The following SHISA9 variants were observed in gnomAD, a reference collection of about 807,000 sequenced individuals.
SHISA9 encodes shisa family member 9, also known as protein shisa-9.
SHISA9 carries 13 observed loss-of-function variants against 38.0 expected under a neutral mutation model. That is an observed-to-expected ratio of 0.34 (90% CI 0.22 to 0.54). The LOEUF (loss-of-function observed/expected upper bound fraction) is 0.54, where lower values mean the gene tolerates loss of function less well. SHISA9 is among the 20% of genes least tolerant of loss of function. SHISA9 has a pLI of 0.91. For missense variants in SHISA9, 538 were observed against 575.8 expected, an observed-to-expected ratio of 0.93 and a Z score of 0.67; for synonymous variants, 275 against 242.0, an observed-to-expected ratio of 1.14 and a Z score of -1.27.
chr16:13,033,093 TA>T (rs2073011251), intron 2 of SHISA9, among the ~76,000 whole-genome samples: 1 of 152,198 alleles, frequency 6.6e-6, no homozygotes, highest in Non-Finnish European at 1.5e-5. Flanking sequence ...TCAAGTCTAG[TA>T]GAAAAGATAG....
the SHISA9 span, among the ~76,000 whole-genome samples, chr16:13,291,876 C>T: frequency 6.6e-6 from 1 of 152,102 alleles, no homozygotes; most frequent in Non-Finnish European, 1.5e-5. Flanking sequence ...GTGTAGGAGC[C>T]TTTATGAAGA....
At chr16:13,476,910 A>G in the SHISA9 span, among the ~76,000 whole-genome samples, 28 of 151,132 alleles carry the variant, frequency 1.9e-4, no homozygotes, top group Admixed American at 1.6e-3. Flanking sequence ...CACCACACCC[A>G]GCTAATTTTT....
the SHISA9 span, among the ~76,000 whole-genome samples, chr16:13,330,543 A>T: frequency 1.3e-5 from 2 of 152,182 alleles, no homozygotes; most frequent in Non-Finnish European, 2.9e-5. Context: ...GGCATCTATC[A>T]TCCCACTTCT....
chr16:13,446,652 T>C, the SHISA9 span, among the ~76,000 whole-genome samples: 1 of 152,188 alleles, frequency 6.6e-6, no homozygotes, highest in Middle Eastern at 3.4e-3. Flanking sequence ...TGTATGTGTG[T>C]GTGTGTTTCT....
Position 13,098,805 on chromosome 16 carries a change from G to C in SHISA9, c.692-104589G>C, listed in dbSNP as rs144478446. Among the ~76,000 whole-genome samples the C allele has an allele frequency of 3.3e-5, 5 of 152,350 alleles. No individual in the cohort carries two copies. The East Asian group carries it at 9.7e-4, about 29-fold the overall frequency. ...GGCTGGGTGGTTCTGGACTCAGAGA[G>C]GCTCCCAGCTCTGTTGAATCTGGCT... On this transcript the variant is annotated intron_variant, in intron 2 of 4. Coordinates refer to ENST00000558583, the MANE Select transcript of SHISA9 (RefSeq NM_001145204.3).
the SHISA9 span, among the ~76,000 whole-genome samples, chr16:13,378,315 C>T: frequency 2.0e-5 from 3 of 152,124 alleles, no homozygotes; most frequent in African/African-American, 7.2e-5. Flanking sequence ...CTCTGTTTTA[C>T]TGTGTGTTGG....
At chr16:13,275,647 C>T in the SHISA9 span, among the ~76,000 whole-genome samples, 5 of 152,006 alleles carry the variant, frequency 3.3e-5, no homozygotes, top group African/African-American at 1.2e-4. Context: ...TCTGAAAGAG[C>T]TTACCGTTAG....
chr16:13,482,376 G>GT, the SHISA9 span, among the ~76,000 whole-genome samples: 2 of 152,236 alleles, frequency 1.3e-5, no homozygotes, highest in African/African-American at 4.8e-5. Context: ...GCTGCCTTCT[G>GT]TTATTACCCC....
chr16:13,096,033 T>TGGA (rs920925092), intron 2 of SHISA9, among the ~76,000 whole-genome samples: 24 of 152,218 alleles, frequency 1.6e-4, no homozygotes, highest in African/African-American at 5.8e-4. Flanking sequence ...GTGAAAGCCC[T>TGGA]GGAGTCAAGA....
At chr16:13,175,017 G>T (rs2050719404) in intron 2 of SHISA9, among the ~76,000 whole-genome samples, 1 of 152,190 alleles carries the variant, frequency 6.6e-6, no homozygotes, top group Non-Finnish European at 1.5e-5. Flanking sequence ...CTCAGCTTCA[G>T]TCCCAGAGCT....
intron 2 of SHISA9, among the ~76,000 whole-genome samples, chr16:12,939,038 T>G (rs2071573067): frequency 6.6e-6 from 1 of 151,748 alleles, no homozygotes; most frequent in Non-Finnish European, 1.5e-5. Flanking sequence ...CAGGAAGTAG[T>G]TTCATCTCTT....
intron 1 of SHISA9, chr16:12,908,462 C>G: frequency 6.4e-7 from 1 of 1,551,834 alleles, no homozygotes; most frequent in Non-Finnish European, 8.7e-7. Context: ...ATTTCATACC[C>G]TTCCCCCATG....
the SHISA9 span, among the ~76,000 whole-genome samples, chr16:13,527,971 A>G: frequency 6.6e-6 from 1 of 152,320 alleles, no homozygotes; most frequent in African/African-American, 2.4e-5. Flanking sequence ...CTCACTCAAT[A>G]GACTGTGTCA....
At chr16:13,519,116 A>T in the SHISA9 span, among the ~76,000 whole-genome samples, 1 of 152,226 alleles carries the variant, frequency 6.6e-6, no homozygotes. Context: ...AAAGAAAAAA[A>T]CCTCTAAATT....
the SHISA9 span, among the ~76,000 whole-genome samples, chr16:13,409,641 T>C: frequency 6.6e-6 from 1 of 152,186 alleles, no homozygotes; most frequent in Admixed American, 6.5e-5. Flanking sequence ...TAATTGAGAA[T>C]CACATAAACT....
the SHISA9 span, among the ~76,000 whole-genome samples, chr16:13,447,683 C>G: frequency 6.6e-6 from 1 of 152,172 alleles, no homozygotes; most frequent in African/African-American, 2.4e-5. Flanking sequence ...GGAATAAACA[C>G]AGAGGAACCA....
At chr16:12,995,826 T>C (rs2072450896) in intron 2 of SHISA9, among the ~76,000 whole-genome samples, 1 of 152,246 alleles carries the variant, frequency 6.6e-6, no homozygotes, top group African/African-American at 2.4e-5. Context: ...TTGAGAGGCT[T>C]GAGGTCAAGA....
At chr16:13,491,412 C>G in the SHISA9 span, among the ~76,000 whole-genome samples, 1 of 145,474 alleles carries the variant, frequency 6.9e-6, no homozygotes, top group Admixed American at 6.9e-5. Flanking sequence ...CTTTTGGAGA[C>G]TTTCCTGATG....
chr16:13,043,673 C>G (rs950345919), intron 2 of SHISA9, among the ~76,000 whole-genome samples: 3 of 152,214 alleles, frequency 2.0e-5, no homozygotes, highest in Non-Finnish European at 4.4e-5. Context: ...AGCTGCATCC[C>G]TCCTTGATCT....
Sources: allele counts gnomAD v4.1 joint callset (sites outside exome capture counted in the v4.1 genomes callset), GRCh38; gene constraint gnomAD v4.1.1; transcripts MANE v1.5; gene names NCBI Gene and HGNC (gene_info 2026-07-23, HGNC 2026-07-21).